The following GPC5 variants were observed in gnomAD, a reference collection of about 807,000 sequenced individuals.
GPC5 encodes the protein glypican 5.
GPC5 carries 47 observed loss-of-function variants against 53.9 expected under a neutral mutation model. That is an observed-to-expected ratio of 0.87 (90% CI 0.69 to 1.11). The LOEUF (loss-of-function observed/expected upper bound fraction) is 1.11, where lower values mean the gene tolerates loss of function less well. Ranked by LOEUF, GPC5 falls within the 50% of genes most tolerant of loss-of-function variation. The pLI, the probability that GPC5 is intolerant of heterozygous loss-of-function variation, is 0.00. For missense variants in GPC5, 748 were observed against 713.1 expected (o/e 1.05, Z -0.56); for synonymous variants, 286 against 263.3 (o/e 1.09, Z -0.84).
At chr13:91,679,310 G>T (rs1261857651) in intron 2 of GPC5, among the ~76,000 whole-genome samples, 1 of 152,158 alleles carries the variant, frequency 6.6e-6, no homozygotes, top group Non-Finnish European at 1.5e-5. Flanking sequence ...AAAGTTCTAA[G>T]ACTTTGAGTC....
chr13:91,772,329 A>T lies in GPC5; in HGVS notation c.1280+15909A>T, dbSNP rs78014844. On this transcript the variant is annotated intron_variant, in intron 5 of 7. Coordinates refer to ENST00000377067, the MANE Select transcript of GPC5 (RefSeq NM_004466.6). ...AAGAGTGGTACAATAAAAAAAATTA[A>T]GTTAATCCCACATACTGAAACGGCA... Among the ~76,000 whole-genome samples the T allele has an allele frequency of 5.3e-3, 814 of 152,308 alleles. 7 individuals carry two copies. Among genetic ancestry groups the T allele is most frequent in the African/African-American group, 0.018 (747 of 41,558 alleles).
chr13:92,517,803 G>A (rs143708507), intron 7 of GPC5, among the ~76,000 whole-genome samples: 7,139 of 152,278 alleles, frequency 0.047, 223 homozygotes, highest in East Asian at 0.15. Flanking sequence ...GCAGCTACTC[G>A]CCAGCAATGG....
At chr13:92,420,626 C>T (rs1265331179) in intron 7 of GPC5, among the ~76,000 whole-genome samples, 1 of 151,942 alleles carries the variant, frequency 6.6e-6, no homozygotes, top group Non-Finnish European at 1.5e-5. Context: ...ACATCCCTGC[C>T]TCCCTCTCAC....
intron 6 of GPC5, among the ~76,000 whole-genome samples, chr13:92,117,714 C>T (rs562744903): frequency 4.2e-4 from 64 of 152,168 alleles, no homozygotes; most frequent in African/African-American, 1.3e-3. Flanking sequence ...AATTCATAAA[C>T]ACTTTATTTT....
chr13:92,300,955 T>C (rs1340875181), intron 7 of GPC5, among the ~76,000 whole-genome samples: 1 of 152,212 alleles, frequency 6.6e-6, no homozygotes, highest in Non-Finnish European at 1.5e-5. Context: ...TGGTAAAAAC[T>C]GGATTTCTGG....
At chr13:92,210,127 C>A (rs1327582424) in intron 7 of GPC5, among the ~76,000 whole-genome samples, 3 of 152,134 alleles carry the variant, frequency 2.0e-5, no homozygotes, top group African/African-American at 4.8e-5. Flanking sequence ...TTTGGCAACA[C>A]CCTCATAGAC....
chr13:91,742,395 A>G (rs182037796), intron 4 of GPC5, among the ~76,000 whole-genome samples: 1 of 152,312 alleles, frequency 6.6e-6, no homozygotes, highest in Admixed American at 6.5e-5. Flanking sequence ...TAAAACTAAT[A>G]TTAAAAACAG....
chr13:92,347,882 T>TG lies in GPC5; in HGVS notation c.1561+202893_1561+202894insG, dbSNP rs1491589093. On this transcript the variant is annotated intron_variant, in intron 7 of 7. Transcript: ENST00000377067. ...ATATATATTATATATATAATATATA[T>TG]TATATATATTATATATATAATATAT... is the stretch of plus-strand genomic sequence containing the variant. Among the ~76,000 whole-genome samples the TG allele has an allele frequency of 3.0e-3, 7 of 2,332 alleles. 3 individuals carry two copies. In the East Asian group the frequency reaches 0.037, roughly 12 times the overall value. The allele number at this position is 2,332 out of a possible 152,430, so 1.5% of individuals were successfully genotyped here.
intron 7 of GPC5, among the ~76,000 whole-genome samples, chr13:92,185,977 A>G (rs2042180931): frequency 6.6e-6 from 1 of 152,196 alleles, no homozygotes; most frequent in Admixed American, 6.5e-5. Flanking sequence ...ATTCAAAGAT[A>G]AAATGTAATA....
Position 92,440,949 on chromosome 13 carries a change from A to G in GPC5, c.1561+295960A>G, listed in dbSNP as rs190548042. 4.3e-3 allele frequency among the ~76,000 whole-genome samples: 650 copies of G among 152,270 alleles called. 3 individuals are homozygous for G. The highest frequency in any genetic ancestry group is 0.015 in the African/African-American group (607 of 41,556). On this transcript the variant is annotated intron_variant, in intron 7 of 7. Coordinates refer to ENST00000377067, the MANE Select transcript of GPC5 (RefSeq NM_004466.6). ...TTTAGGCTCCTTATAGATTCTGGAT[A>G]TTAGACCTTTGTTGGATGCAGAGTG...
chr13:92,724,828 C>T (rs537030503), intron 7 of GPC5, among the ~76,000 whole-genome samples: 2 of 149,904 alleles, frequency 1.3e-5, no homozygotes, highest in South Asian at 2.1e-4. Flanking sequence ...CTCTACTGCT[C>T]ATTTAAAGAT....
At chr13:91,971,013 A>G (rs947134834) in intron 6 of GPC5, among the ~76,000 whole-genome samples, 93 of 152,228 alleles carry the variant, frequency 6.1e-4, no homozygotes, top group Non-Finnish European at 7.9e-4. Flanking sequence ...CTCTTTTGCT[A>G]TTGATTGGAA....
intron 6 of GPC5, 120 bp from the exon 7 acceptor site, chr13:92,144,710 G>C: frequency 5.7e-6 from 5 of 884,576 alleles, no homozygotes; most frequent in Non-Finnish European, 6.8e-6. Context: ...GACTTGACTT[G>C]GTGTCTACAC....
chr13:92,039,747 C>A (rs188247863), intron 6 of GPC5, among the ~76,000 whole-genome samples: 1 of 152,076 alleles, frequency 6.6e-6, no homozygotes, highest in Non-Finnish European at 1.5e-5. Context: ...TATACCTTCA[C>A]GTGTTTTTTT....
intron 2 of GPC5, among the ~76,000 whole-genome samples, chr13:91,575,290 C>A (rs1349777767): frequency 6.6e-6 from 1 of 152,056 alleles, no homozygotes; most frequent in African/African-American, 2.4e-5. Context: ...ATAAAATGGT[C>A]AAGTTTTAAA....
chr13:91,662,784 C>T (rs1244816252), intron 2 of GPC5, among the ~76,000 whole-genome samples: 4 of 152,128 alleles, frequency 2.6e-5, no homozygotes, highest in Non-Finnish European at 5.9e-5. Context: ...TTCCTGCTTC[C>T]AAGGAATGCT....
chr13:91,985,521 T>C (rs762367761), intron 6 of GPC5, among the ~76,000 whole-genome samples: 15 of 152,258 alleles, frequency 9.9e-5, no homozygotes, highest in South Asian at 4.1e-4. Flanking sequence ...TTCTTATTTA[T>C]CGTTTCTTGG....
rs546377979 is a variant in GPC5, at chr13:91,632,862, C to T, written c.326-60325C>T. ...TAGAAAGATTATCTGCATCTTCTGCCGAGGTAGTTCAGCTGAAACCCGTGT... is the reference window on the plus strand; with the variant it reads ...TAGAAAGATTATCTGCATCTTCTGCTGAGGTAGTTCAGCTGAAACCCGTGT... On this transcript the variant is annotated intron_variant, in intron 2 of 7. Coordinates refer to ENST00000377067, the MANE Select transcript of GPC5 (RefSeq NM_004466.6). Among the ~76,000 whole-genome samples the T allele has an allele frequency of 1.2e-4, 19 of 152,158 alleles. No individual in the cohort carries two copies. In the South Asian group the frequency reaches 2.1e-3, roughly 17 times the overall value.
At chr13:92,599,224 G>T (rs1228614353) in intron 7 of GPC5, among the ~76,000 whole-genome samples, 1 of 152,188 alleles carries the variant, frequency 6.6e-6, no homozygotes, top group Non-Finnish European at 1.5e-5. Flanking sequence ...ATAGGCAGAT[G>T]ATTATAATAC....
Sources: allele counts gnomAD v4.1 joint callset (sites outside exome capture counted in the v4.1 genomes callset), GRCh38; gene constraint gnomAD v4.1.1; transcripts MANE v1.5; gene names NCBI Gene and HGNC (gene_info 2026-07-23, HGNC 2026-07-21).